FRMPD4: variants seen among roughly 807,000 people sequenced by gnomAD.
FRMPD4 encodes FERM and PDZ domain-containing protein 4.
FRMPD4 carries 22 observed loss-of-function variants against 94.1 expected under a neutral mutation model. The observed-to-expected ratio is 0.23, with a 90% CI of 0.17 to 0.33. The LOEUF (loss-of-function observed/expected upper bound fraction) is 0.33, where lower values mean the gene tolerates loss of function less well. Ranked by LOEUF, FRMPD4 falls within the 10% of genes least tolerant of loss-of-function variation. The probability of loss-of-function intolerance (pLI) is 1.00; values close to 1 mark genes in which losing one functional copy is unlikely to be tolerated. For synonymous variants in FRMPD4, 631 were observed against 548.6 expected (o/e 1.15, Z -2.10); for missense variants, 1,111 against 1,339.9 (o/e 0.83, Z 2.67).
chrX:12,702,257 G>A (rs1020115110), intron 10 of FRMPD4, among the ~76,000 whole-genome samples: 2 of 111,847 alleles, frequency 1.8e-5, no homozygotes, highest in Non-Finnish European at 3.8e-5. Context: ...TTCCTAAAGG[G>A]GCTTGATTCC....
chrX:12,460,326 AT>A (rs1367730120), intron 1 of FRMPD4, among the ~76,000 whole-genome samples: 3 of 112,002 alleles, frequency 2.7e-5, no homozygotes, highest in South Asian at 7.4e-4. Flanking sequence ...TGTTTAAGAA[AT>A]CTTTACCTAA....
chrX:12,126,200 C>T (rs1226265134), intron 3 of FRMPD4, among the ~76,000 whole-genome samples: 1 of 112,245 alleles, frequency 8.9e-6, no homozygotes, highest in African/African-American at 3.2e-5. Context: ...AACTTAGCCA[C>T]AGCTTGTCAC....
intron 3 of FRMPD4, among the ~76,000 whole-genome samples, chrX:11,930,779 A>C (rs2054118653): frequency 9.0e-6 from 1 of 111,637 alleles, no homozygotes; most frequent in African/African-American, 3.3e-5. Context: ...GCAATTTGAT[A>C]ATCTTTAAGA....
At chrX:12,560,904 G>C (rs1326962717) in intron 2 of FRMPD4, among the ~76,000 whole-genome samples, 1 of 97,504 alleles carries the variant, frequency 1.0e-5, no homozygotes, top group Non-Finnish European at 2.1e-5. Flanking sequence ...CAAGTAGCTG[G>C]GACTACAGGC....
chrX:12,222,565 T>C (rs1419879705), intron 1 of FRMPD4, among the ~76,000 whole-genome samples: 1 of 112,301 alleles, frequency 8.9e-6, no homozygotes, highest in Non-Finnish European at 1.9e-5. Context: ...AGTCAATTTG[T>C]ATGGCTGTAC....
At chrX:12,386,383 C>T (rs746624995) in intron 1 of FRMPD4, among the ~76,000 whole-genome samples, 4 of 111,911 alleles carry the variant, frequency 3.6e-5, no homozygotes, top group African/African-American at 9.7e-5. Context: ...CAGCCAAGGA[C>T]GAAAGTATGT....
intron 2 of FRMPD4, among the ~76,000 whole-genome samples, chrX:11,877,776 C>G (rs1353719250): frequency 8.9e-6 from 1 of 112,047 alleles, no homozygotes; most frequent in Admixed American, 9.5e-5. Context: ...ATATGATTGG[C>G]CTCTCAGCAT....
chrX:12,354,051 T>C (rs1164371996), intron 1 of FRMPD4, among the ~76,000 whole-genome samples: 1 of 112,191 alleles, frequency 8.9e-6, no homozygotes, highest in Non-Finnish European at 1.9e-5. Flanking sequence ...ACTTTGCTTT[T>C]GCTAATAATG....
intron 1 of FRMPD4, among the ~76,000 whole-genome samples, chrX:11,858,511 A>G (rs1296866138): frequency 9.0e-6 from 1 of 111,350 alleles, no homozygotes; most frequent in African/African-American, 3.3e-5. Context: ...ATGAGAACAC[A>G]TGGACACAGA....
At chrX:12,514,783 A>T (rs2058079068) in intron 2 of FRMPD4, among the ~76,000 whole-genome samples, 1 of 112,145 alleles carries the variant, frequency 8.9e-6, no homozygotes, top group African/African-American at 3.2e-5. Flanking sequence ...TTTCAGAAGA[A>T]ATGACACTAG....
intron 2 of FRMPD4, among the ~76,000 whole-genome samples, chrX:12,539,729 G>A (rs895063120): frequency 4.5e-5 from 5 of 110,547 alleles, no homozygotes; most frequent in African/African-American, 1.6e-4. Flanking sequence ...CGCCTCCCAG[G>A]TTCAAGCGAT....
intron 1 of FRMPD4, among the ~76,000 whole-genome samples, chrX:12,182,577 A>AATAAATAT (rs1408144085): frequency 9.3e-6 from 1 of 107,151 alleles, no homozygotes; most frequent in African/African-American, 3.4e-5. Flanking sequence ...TAAATAAATA[A>AATAAATAT]ATATATATAT....
At chrX:12,410,920 C>G (rs898505015) in intron 1 of FRMPD4, among the ~76,000 whole-genome samples, 5 of 111,559 alleles carry the variant, frequency 4.5e-5, no homozygotes, top group African/African-American at 1.6e-4. Context: ...ATGTATTACT[C>G]GTGACCATAT....
intron 9 of FRMPD4, among the ~76,000 whole-genome samples, chrX:12,697,048 A>G (rs1056927487): frequency 8.9e-6 from 1 of 112,411 alleles, no homozygotes; most frequent in African/African-American, 3.2e-5. Context: ...CAGTGGGATG[A>G]TTAATGTTCA....
intron 3 of FRMPD4, among the ~76,000 whole-genome samples, chrX:12,082,881 G>T (rs2055073781): frequency 8.9e-6 from 1 of 112,040 alleles, no homozygotes; most frequent in South Asian, 3.7e-4. Flanking sequence ...TCTGGCAGAA[G>T]AAATTTATAA....
At chrX:12,310,647 C>A (rs1043130704) in intron 1 of FRMPD4, among the ~76,000 whole-genome samples, 1 of 112,293 alleles carries the variant, frequency 8.9e-6, no homozygotes, top group Non-Finnish European at 1.9e-5. Context: ...AGGAGCAATT[C>A]TTGATGAAGC....
chrX:12,448,340 G>T (rs2057225733), intron 1 of FRMPD4, among the ~76,000 whole-genome samples: 1 of 111,598 alleles, frequency 9.0e-6, no homozygotes, highest in Non-Finnish European at 1.9e-5. Context: ...AGGATCACAG[G>T]ATTTGAGTAA....
At chrX:12,526,484 G>T (rs1285939792) in intron 2 of FRMPD4, among the ~76,000 whole-genome samples, 1 of 112,486 alleles carries the variant, frequency 8.9e-6, no homozygotes, top group Non-Finnish European at 1.9e-5. Flanking sequence ...GCAGTTGACG[G>T]AGTGCAGAAA....
At chrX:11,851,065 T>C (rs999355681) in intron 1 of FRMPD4, among the ~76,000 whole-genome samples, 2 of 111,750 alleles carry the variant, frequency 1.8e-5, no homozygotes, top group African/African-American at 6.5e-5. Flanking sequence ...CCTGCCCCGG[T>C]TGAACTACTG....
Sources: gnomAD v4.1 joint callset for allele counts (sites outside exome capture counted in the v4.1 genomes callset) on GRCh38, gnomAD v4.1.1 for gene constraint, MANE v1.5 for transcripts, NCBI Gene and HGNC (gene_info 2026-07-23, HGNC 2026-07-21) for gene names.